Variants in NHSL2 observed in about 807,000 individuals in gnomAD.
The protein encoded by NHSL2 is NHS-like protein 2.
A neutral mutation model predicts 53.4 loss-of-function variants in NHSL2; 27 were observed. That is an observed-to-expected ratio of 0.51 (90% CI 0.37 to 0.70). The LOEUF (loss-of-function observed/expected upper bound fraction) is 0.70, where lower values mean the gene tolerates loss of function less well. NHSL2 is among the 30% of genes least tolerant of loss of function. NHSL2 has a pLI of 0.00. For synonymous variants in NHSL2, 408 were observed against 404.1 expected (o/e 1.01, Z -0.12); for missense variants, 892 against 980.1 (o/e 0.91, Z 1.20).
At chrX:72,055,574 T>C (rs1458200449) in intron 1 of NHSL2, among the ~76,000 whole-genome samples, 2 of 112,061 alleles carry the variant, frequency 1.8e-5, no homozygotes, top group Non-Finnish European at 3.8e-5. Flanking sequence ...AGATACATCC[T>C]ATACTTGGAG....
At chrX:71,984,034 G>A (rs1227184563) in intron 1 of NHSL2, among the ~76,000 whole-genome samples, 1 of 111,648 alleles carries the variant, frequency 9.0e-6, no homozygotes, top group Non-Finnish European at 1.9e-5. Flanking sequence ...CCCTATTCAA[G>A]ATGGAGTTGC....
At chrX:72,078,915 A>G (rs1047523260) in intron 1 of NHSL2, among the ~76,000 whole-genome samples, 2 of 111,870 alleles carry the variant, frequency 1.8e-5, no homozygotes, top group African/African-American at 6.5e-5. Flanking sequence ...AGTCTTTTCA[A>G]CGCAGATGGC....
intron 1 of NHSL2, among the ~76,000 whole-genome samples, chrX:72,083,875 T>C (rs1038771247): frequency 2.7e-5 from 3 of 111,947 alleles, no homozygotes; most frequent in Admixed American, 9.4e-5. Flanking sequence ...TAGAAGGCCC[T>C]GCACGATCTG....
At chrX:71,911,897 G>A (rs1287371971) in intron 1 of NHSL2, among the ~76,000 whole-genome samples, 10 of 112,159 alleles carry the variant, frequency 8.9e-5, no homozygotes, top group African/African-American at 3.2e-4. Context: ...TCCCGCTGGA[G>A]CGTGGACGCG....
chrX:71,953,162 A>T (rs745372640), intron 1 of NHSL2, among the ~76,000 whole-genome samples: 3 of 111,028 alleles, frequency 2.7e-5, no homozygotes, highest in Non-Finnish European at 5.7e-5. Context: ...CATATTCCAA[A>T]TTAGCTGTTC....
At chrX:72,134,345 A>G in intron 3 of NHSL2, 127 bp downstream of exon 3, 1 of 867,267 alleles carries the variant, frequency 1.2e-6, no homozygotes. Flanking sequence ...CTGAGGCCCC[A>G]CTGGGATAGG....
intron 1 of NHSL2, among the ~76,000 whole-genome samples, chrX:72,027,213 C>T (rs1161034775): frequency 8.9e-6 from 1 of 112,245 alleles, no homozygotes; most frequent in African/African-American, 3.2e-5. Context: ...TCATGATATC[C>T]AGCAGAGATC....
chrX:72,140,773 T>C lies in NHSL2; in HGVS notation c.3223+2T>C. 8.6e-7 allele frequency: 1 copy of C among 1,157,746 alleles called. No homozygotes were observed. Among genetic ancestry groups the C allele is most frequent in the Non-Finnish European group, 1.2e-6 (1 of 867,370 alleles). ...GTGAAAGGGAGGCAAGCCCTCTGGG[T>C]TAGTAAACTGTCTGCTGGCTTTTTC... On this transcript the variant is annotated splice_donor_variant, in intron 6 of 7. Coordinates refer to ENST00000633930, the MANE Select transcript of NHSL2 (RefSeq NM_001013627.3). LOFTEE classifies it high-confidence loss of function.
chrX:71,940,426 G>A (rs1425470721), intron 1 of NHSL2, among the ~76,000 whole-genome samples: 5 of 111,576 alleles, frequency 4.5e-5, no homozygotes, highest in Non-Finnish European at 7.5e-5. Flanking sequence ...AAGGAAGGGT[G>A]AGCAGATGAT....
At chrX:72,142,432 A>G (rs1053939016) in intron 7 of NHSL2, 68 bp downstream of exon 7, 2 of 831,498 alleles carry the variant, frequency 2.4e-6, no homozygotes, top group African/African-American at 2.1e-5. Flanking sequence ...AAAACCTGCT[A>G]TTCCACATTG....
chrX:72,069,673 C>T, intron 1 of NHSL2: 1 of 937,675 alleles, frequency 1.1e-6, no homozygotes, highest in Non-Finnish European at 1.3e-6. Flanking sequence ...CGGTGGCTGC[C>T]AGTCCAGAGC....
At chrX:72,080,268 T>G in intron 1 of NHSL2, 1 of 108,992 alleles carries the variant, frequency 9.2e-6, no homozygotes, top group Admixed American at 9.8e-5. Flanking sequence ...TCCGGGGAGG[T>G]GAGTCGTTGG....
intron 1 of NHSL2, among the ~76,000 whole-genome samples, chrX:71,947,061 T>C (rs1333586694): frequency 8.9e-6 from 1 of 112,035 alleles, no homozygotes; most frequent in Non-Finnish European, 1.9e-5. Context: ...CAAACCTCCA[T>C]CCTCAGCTGC....
Position 72,130,146 on chromosome X carries a change from A to T in NHSL2, c.281-1933A>T, listed in dbSNP as rs1471369378. ...AGGTCGGCTCCATCTCCATCAGCTC[A>T]TCTAGGTCATCATCTTGGGCCTCAT... On this transcript the variant is annotated intron_variant, in intron 1 of 7. Coordinates refer to ENST00000633930, the MANE Select transcript of NHSL2 (RefSeq NM_001013627.3). 6.6e-6 allele frequency: 8 copies of T among 1,207,619 alleles called. No homozygotes were observed. The Admixed American group carries it at 1.8e-4, about 26-fold the overall frequency.
At chrX:71,918,574 G>A (rs1035604576) in intron 1 of NHSL2, among the ~76,000 whole-genome samples, 15 of 111,468 alleles carry the variant, frequency 1.3e-4, no homozygotes, top group African/African-American at 4.2e-4. Context: ...GTCTCCTTAC[G>A]TTAACATCCT....
rs1353313065 is a variant in NHSL2 at position 72,152,973 on chromosome X, G to C, written c.*9399G>C. On this transcript the variant is annotated 3_prime_UTR_variant, in exon 8 of 8. Transcript: ENST00000633930. Reference sequence around the variant, plus strand: ...CCAACAATGCACTTAGAAAAATAAGGGAGACAAGAATTTACAGACCATACC... The same window carrying C: ...CCAACAATGCACTTAGAAAAATAAGCGAGACAAGAATTTACAGACCATACC... 8.9e-6 allele frequency: 1 copy of C among 111,959 alleles called. No individual in the cohort carries two copies. The highest frequency in any genetic ancestry group is 1.9e-5 in the Non-Finnish European group (1 of 53,205). 9.2% of individuals were successfully genotyped at this position (111,959 alleles called of 1,213,427 possible).
chrX:72,089,249 T>TAAAAAAAA (rs11349378), intron 1 of NHSL2, among the ~76,000 whole-genome samples: 1 of 101,212 alleles, frequency 9.9e-6, no homozygotes. Context: ...GAGGATTTGT[T>TAAAAAAAA]AAAAAAAAAA....
In NHSL2 at chrX:72,151,989, A is replaced by C. The variant is rs1326374912; in HGVS notation, c.*8415A>C. The C allele has an allele frequency of 8.8e-6, 1 of 113,011 alleles. No homozygotes were observed. Among genetic ancestry groups the C allele is most frequent in the Non-Finnish European group, 1.9e-5 (1 of 53,392 alleles). The allele number at this position is 113,011 out of a possible 1,213,427, so 9.3% of individuals were successfully genotyped here. ...AGCAAGAAAACCAATGAGGTGCAGAAGATATTCTGTGCCCACAGTTTTTCC... is the reference window on the plus strand; with the variant it reads ...AGCAAGAAAACCAATGAGGTGCAGACGATATTCTGTGCCCACAGTTTTTCC... On this transcript the variant is annotated 3_prime_UTR_variant, in exon 8 of 8. Coordinates refer to ENST00000633930, the MANE Select transcript of NHSL2 (RefSeq NM_001013627.3).
At chrX:72,097,648 G>C (rs1014728481) in intron 1 of NHSL2, among the ~76,000 whole-genome samples, 8 of 111,730 alleles carry the variant, frequency 7.2e-5, no homozygotes, top group African/African-American at 2.6e-4. Flanking sequence ...TTATCTGCTT[G>C]ACAGTCTGCT....
Sources: gnomAD v4.1 joint callset for allele counts (sites outside exome capture counted in the v4.1 genomes callset) on GRCh38, gnomAD v4.1.1 for gene constraint, MANE v1.5 for transcripts, NCBI Gene and HGNC (gene_info 2026-07-23, HGNC 2026-07-21) for gene names.